The following CMKLR1 variants were observed in gnomAD, a reference collection of about 807,000 sequenced individuals.
CMKLR1 encodes chemerin chemokine-like receptor 1.
CMKLR1 carries 6 observed loss-of-function variants against 8.2 expected under a neutral mutation model. The observed-to-expected ratio is 0.73, with a 90% confidence interval of 0.40 to 1.44. The LOEUF (loss-of-function observed/expected upper bound fraction) is 1.44. Among genes scored for constraint, CMKLR1 ranks in the 40% most tolerant of loss-of-function variants. The pLI is 0.02. For missense variants in CMKLR1, 429 were observed against 478.0 expected (o/e 0.90, Z 0.96); for synonymous variants, 178 against 181.2 (o/e 0.98, Z 0.14).
chr12:108,293,588 C>T lies in CMKLR1; in HGVS notation c.3+1G>A. On this transcript the variant is annotated splice_donor_variant, in intron 3 of 3. Transcript: ENST00000550402. LOFTEE classifies it high-confidence loss of function. ...GAGTTCAGACCACAAGACTTCCTCA[C>T]CATTCACCGTTATGTTGTCTGCAGC... is the stretch of plus-strand genomic sequence containing the variant. 1.3e-6 allele frequency: 2 copies of T among 1,551,436 alleles called. No homozygotes were observed. The highest frequency in any genetic ancestry group is 1.7e-6 in the Non-Finnish European group (2 of 1,146,974).
intron 2 of CMKLR1, among the ~76,000 whole-genome samples, chr12:108,303,491 G>A (rs905767796): frequency 6.6e-6 from 1 of 152,224 alleles, no homozygotes; most frequent in African/African-American, 2.4e-5. Flanking sequence ...AACAGGCACA[G>A]AGAAGGTAAC....
intron 2 of CMKLR1, among the ~76,000 whole-genome samples, chr12:108,313,859 C>T (rs1322973942): frequency 1.3e-5 from 2 of 152,210 alleles, no homozygotes; most frequent in Non-Finnish European, 2.9e-5. Context: ...CTTGAGCAAA[C>T]TGCCACATTC....
intron 1 of CMKLR1, among the ~76,000 whole-genome samples, chr12:108,335,175 A>G (rs1892191424): frequency 1.3e-5 from 2 of 152,172 alleles, no homozygotes; most frequent in South Asian, 4.1e-4. Flanking sequence ...CTGTCCACAA[A>G]AATTCATTCT....
chr12:108,319,221 G>A lies in CMKLR1; in HGVS notation c.-74+10774C>T, dbSNP rs118157673. ...CAGAGATCTTTGAAACCGCTGCCTC[G>A]CTGAGCCATGAGAACCATCCCTGTC... On this transcript the variant is annotated intron_variant, in intron 2 of 3. Transcript: ENST00000550402. Among the ~76,000 whole-genome samples the A allele has an allele frequency of 3.1e-4, 47 of 152,210 alleles. 1 individual carries two copies. The East Asian group carries it at 8.5e-3, about 28-fold the overall frequency.
chr12:108,316,328 G>A (rs1891729251), intron 2 of CMKLR1, among the ~76,000 whole-genome samples: 1 of 152,136 alleles, frequency 6.6e-6, no homozygotes, highest in Admixed American at 6.5e-5. Context: ...GAGGGAGGAA[G>A]AAGCAGCACA....
intron 2 of CMKLR1, among the ~76,000 whole-genome samples, chr12:108,309,794 T>A (rs1445323100): frequency 6.6e-6 from 1 of 152,226 alleles, no homozygotes; most frequent in Non-Finnish European, 1.5e-5. Flanking sequence ...ATAAGCCAGT[T>A]GCAATTTGCC....
intron 1 of CMKLR1, among the ~76,000 whole-genome samples, chr12:108,337,963 G>A (rs1021045427): frequency 1.4e-4 from 21 of 152,270 alleles, no homozygotes; most frequent in African/African-American, 4.6e-4. Context: ...TGAGAAGGAG[G>A]TAGGGGATGC....
intron 2 of CMKLR1, among the ~76,000 whole-genome samples, chr12:108,302,174 A>G (rs1475472926): frequency 1.3e-5 from 2 of 152,240 alleles, no homozygotes; most frequent in African/African-American, 2.4e-5. Flanking sequence ...AGAAATGCAC[A>G]TGAAAACCAC....
intron 2 of CMKLR1, among the ~76,000 whole-genome samples, chr12:108,302,599 A>T (rs1255655023): frequency 6.6e-6 from 1 of 152,132 alleles, no homozygotes; most frequent in Non-Finnish European, 1.5e-5. Context: ...GTCACATTCC[A>T]GGAGTATTTG....
In CMKLR1 at chr12:108,316,143, G is replaced by A. The variant is rs187399475; in HGVS notation, c.-74+13852C>T. 8.5e-5 allele frequency among the ~76,000 whole-genome samples: 13 copies of A among 152,302 alleles called. No individual in the cohort carries two copies. The East Asian group carries it at 2.1e-3, about 25-fold the overall frequency. ...TTATTCAAAAATTACTGAGAATTCA[G>A]GACAGCAACTGCCAAGTGTTAAACA... is the stretch of plus-strand genomic sequence containing the variant. On this transcript the variant is annotated intron_variant, in intron 2 of 3. Transcript: ENST00000550402.
Position 108,332,516 on chromosome 12 carries a change from G to A in CMKLR1, c.-286-2309C>T, listed in dbSNP as rs181624772. ...GGGAAGGCAGATCCACCCTTACTCC[G>A]GTGGGCACAATCTAATTAGCTTCCA... On this transcript the variant is annotated intron_variant, in intron 1 of 3. Coordinates refer to ENST00000550402, the MANE Select transcript of CMKLR1 (RefSeq NM_001142343.2). Among the ~76,000 whole-genome samples, 244 of 152,286 alleles carry A rather than the reference G, an allele frequency of 1.6e-3. 4 individuals carry two copies. The highest frequency in any genetic ancestry group is 4.5e-3 in the African/African-American group (186 of 41,560).
chr12:108,313,643 C>T (rs1477803570), intron 2 of CMKLR1, among the ~76,000 whole-genome samples: 1 of 152,220 alleles, frequency 6.6e-6, no homozygotes, highest in African/African-American at 2.4e-5. Context: ...AGTGCTCAAA[C>T]TGGAATGTCC....
chr12:108,309,518 G>A (rs546355554), intron 2 of CMKLR1, among the ~76,000 whole-genome samples: 2 of 151,810 alleles, frequency 1.3e-5, no homozygotes, highest in South Asian at 4.2e-4. Context: ...CTGGGTGACA[G>A]GGTGAGACCT....
Position 108,309,146 on chromosome 12 carries a change from G to T in CMKLR1, c.-73-15482C>A, listed in dbSNP as rs139352208. On this transcript the variant is annotated intron_variant, in intron 2 of 3. Coordinates refer to ENST00000550402, the MANE Select transcript of CMKLR1 (RefSeq NM_001142343.2). ...TTGCAAGGATTGAATGTTGGTAATGGGTTTATGTTGGTAATGTTTTAGAAG... is the reference window on the plus strand; with the variant it reads ...TTGCAAGGATTGAATGTTGGTAATGTGTTTATGTTGGTAATGTTTTAGAAG... Among the ~76,000 whole-genome samples the T allele has an allele frequency of 4.3e-3, 657 of 152,260 alleles. 3 individuals are homozygous for T. The highest frequency in any genetic ancestry group is 0.031 in the Middle Eastern group (9 of 294).
At position 108,289,643 on chromosome 12, in the gene CMKLR1, A is replaced by G. The variant is rs998925796; in HGVS notation, c.*2198T>C. 1.3e-5 allele frequency: 2 copies of G among 152,194 alleles called. No individual in the cohort carries two copies. The highest frequency in any genetic ancestry group is 2.4e-5 in the African/African-American group (1 of 41,448). 9.4% of individuals were successfully genotyped at this position (152,194 alleles called of 1,614,324 possible). A position where few individuals can be genotyped will look rare whatever the true frequency, so the allele number is the denominator to read the frequency against. On this transcript the variant is annotated 3_prime_UTR_variant, in exon 4 of 4. Coordinates refer to ENST00000550402, the MANE Select transcript of CMKLR1 (RefSeq NM_001142343.2). Reference sequence around the variant, plus strand: ...TGTGACCCGGGACAGGTCCCATCCCATCTCGTGCCTCAGTAAATGTGGGAA... The same window carrying G: ...TGTGACCCGGGACAGGTCCCATCCCGTCTCGTGCCTCAGTAAATGTGGGAA...
chr12:108,333,953 G>T (rs965511850), intron 1 of CMKLR1, among the ~76,000 whole-genome samples: 3 of 152,252 alleles, frequency 2.0e-5, no homozygotes, highest in African/African-American at 4.8e-5. Context: ...AGCTCAAAGT[G>T]GCTGCCAATA....
chr12:108,293,568 C>A, intron 3 of CMKLR1, 21 bp downstream of exon 3: 1 of 1,550,898 alleles, frequency 6.4e-7, no homozygotes, highest in Non-Finnish European at 8.7e-7. Context: ...CTTTGGAGTT[C>A]AGACCACAAG....
intron 2 of CMKLR1, among the ~76,000 whole-genome samples, chr12:108,326,108 C>T (rs1281824416): frequency 2.0e-5 from 3 of 152,118 alleles, no homozygotes; most frequent in African/African-American, 7.2e-5. Flanking sequence ...TTTAAGATAA[C>T]CCAATTTTGG....
At chr12:108,312,514 C>T (rs149056422) in intron 2 of CMKLR1, among the ~76,000 whole-genome samples, 2 of 152,296 alleles carry the variant, frequency 1.3e-5, no homozygotes, top group African/African-American at 4.8e-5. Context: ...GGAATCCACC[C>T]CCTGCTTATT....
Sources: allele counts gnomAD v4.1 joint callset (sites outside exome capture counted in the v4.1 genomes callset), GRCh38; gene constraint gnomAD v4.1.1; transcripts MANE v1.5; gene names NCBI Gene and HGNC (gene_info 2026-07-23, HGNC 2026-07-21).